IRF2: variants seen among roughly 807,000 people sequenced by gnomAD.
The protein encoded by IRF2 is interferon regulatory factor 2.
In IRF2, 15 loss-of-function variants were observed where a neutral mutation model predicts 40.6. That is an observed-to-expected ratio of 0.37 (90% CI 0.25 to 0.57). The LOEUF (loss-of-function observed/expected upper bound fraction) is 0.57, where lower values mean the gene tolerates loss of function less well. Among genes scored for constraint, IRF2 ranks in the 20% least tolerant of loss-of-function variants. The pLI is 0.77. For synonymous variants in IRF2, 151 were observed against 165.5 expected (o/e 0.91, Z 0.67); for missense variants, 317 against 455.7 (o/e 0.70, Z 2.77).
intron 1 of IRF2, among the ~76,000 whole-genome samples, chr4:184,444,319 T>C (rs890196): frequency 0.063 from 9,658 of 152,168 alleles, 1,044 homozygotes; most frequent in African/African-American, 0.22. Flanking sequence ...TCCACAACTG[T>C]AGAAGCCATT....
Position 184,388,738 on chromosome 4 carries a change from C to T in IRF2, c.*20G>A, listed in dbSNP as rs2149889185. ...AACAAAGCCAAGAAGCCCCAACAAC[C>T]ACCGCGGAGAGTCAGAGGCTTAACA... On this transcript the variant is annotated 3_prime_UTR_variant, in exon 9 of 9. Transcript: ENST00000393593. This position sits in a 1 kb window ranked among gnomAD's most constrained non-coding sequence, Gnocchi z 4.6. 6.3e-7 allele frequency: 1 copy of T among 1,579,516 alleles called. No homozygotes were observed. The highest frequency in any genetic ancestry group is 8.5e-7 in the Non-Finnish European group (1 of 1,170,648).
chr4:184,408,887 G>A lies in IRF2; in HGVS notation c.412-612C>T, dbSNP rs990447247. ...CCCACACCATGGGCTTTACATAAAT[G>A]CCCTTCAGGTGGCTGAATATCTCAT... On this transcript the variant is annotated intron_variant, in intron 5 of 8. Transcript: ENST00000393593. This position sits in a 1 kb window ranked among gnomAD's most constrained non-coding sequence, Gnocchi z 4.9. Among the ~76,000 whole-genome samples, 5 of 152,210 alleles carry A rather than the reference G, an allele frequency of 3.3e-5. No homozygotes were observed. The highest frequency in any genetic ancestry group is 1.2e-4 in the African/African-American group (5 of 41,444).
intron 7 of IRF2, among the ~76,000 whole-genome samples, chr4:184,393,685 G>A (rs550381190): frequency 7.2e-5 from 11 of 152,334 alleles, no homozygotes; most frequent in South Asian, 6.2e-4. Flanking sequence ...GTTAAAGAGC[G>A]TCGTGTCTAG....
intron 7 of IRF2, among the ~76,000 whole-genome samples, chr4:184,395,752 C>T (rs1736432098): frequency 1.3e-5 from 2 of 152,370 alleles, no homozygotes; most frequent in South Asian, 4.1e-4. Context: ...ACGGAAAGAA[C>T]CAAAGGCCAG....
chr4:184,393,027 C>A (rs1736314555), intron 7 of IRF2, among the ~76,000 whole-genome samples: 1 of 152,136 alleles, frequency 6.6e-6, no homozygotes, highest in South Asian at 2.1e-4. Context: ...CACGCAGAAA[C>A]ACATGAAAAC....
chr4:184,439,654 T>A (rs1738225747), intron 1 of IRF2, among the ~76,000 whole-genome samples: 1 of 152,212 alleles, frequency 6.6e-6, no homozygotes, highest in South Asian at 2.1e-4. Flanking sequence ...TCATCCAGAT[T>A]ACAGTTTTAC....
chr4:184,415,407 G>C (rs754097496), intron 5 of IRF2, among the ~76,000 whole-genome samples: 1 of 152,152 alleles, frequency 6.6e-6, no homozygotes, highest in Non-Finnish European at 1.5e-5. Flanking sequence ...GCCCACCCAG[G>C]ACCGTGCCTT....
chr4:184,452,986 G>C (rs1738782732), intron 1 of IRF2, among the ~76,000 whole-genome samples: 1 of 151,878 alleles, frequency 6.6e-6, no homozygotes, highest in Non-Finnish European at 1.5e-5. Context: ...GTCACTTCTA[G>C]GAATGCTTCC....
chr4:184,467,515 T>C (rs1719650531), intron 1 of IRF2, among the ~76,000 whole-genome samples: 1 of 152,236 alleles, frequency 6.6e-6, no homozygotes, highest in Non-Finnish European at 1.5e-5. Flanking sequence ...GACAAAAGAA[T>C]TCTTTCAAAA....
At chr4:184,461,355 T>G (rs182054299) in intron 1 of IRF2, among the ~76,000 whole-genome samples, 1 of 152,340 alleles carries the variant, frequency 6.6e-6, no homozygotes, top group East Asian at 1.9e-4. Context: ...TCTGTCACAT[T>G]AGCACTGCGG....
chr4:184,461,691 C>G (rs796428311), intron 1 of IRF2, among the ~76,000 whole-genome samples: 1 of 147,950 alleles, frequency 6.8e-6, no homozygotes, highest in South Asian at 2.2e-4. Flanking sequence ...CCCGCCCCCC[C>G]ACCGCCCCCC....
chr4:184,402,117 C>A (rs1166103343), intron 6 of IRF2, among the ~76,000 whole-genome samples: 1 of 152,176 alleles, frequency 6.6e-6, no homozygotes, highest in Non-Finnish European at 1.5e-5. Flanking sequence ...GTAAGAAGTT[C>A]ATATACATGG....
At chr4:184,397,720 T>C (rs1349487370) in intron 7 of IRF2, among the ~76,000 whole-genome samples, 1 of 152,196 alleles carries the variant, frequency 6.6e-6, no homozygotes, top group Non-Finnish European at 1.5e-5. Context: ...CCTGAACTAT[T>C]TGCTAGAGCT....
At chr4:184,433,871 C>T (rs1215121852) in intron 1 of IRF2, among the ~76,000 whole-genome samples, 3 of 152,154 alleles carry the variant, frequency 2.0e-5, no homozygotes, top group Non-Finnish European at 4.4e-5. Flanking sequence ...CACGACTAGC[C>T]GAGGGTGAGC....
intron 1 of IRF2, among the ~76,000 whole-genome samples, chr4:184,432,928 A>G (rs1737940768): frequency 6.6e-6 from 1 of 152,158 alleles, no homozygotes; most frequent in Admixed American, 6.5e-5. Context: ...GATGGAATAC[A>G]TTTCTGTTGT....
chr4:184,469,272 C>A (rs1739435814), intron 1 of IRF2, among the ~76,000 whole-genome samples: 1 of 152,144 alleles, frequency 6.6e-6, no homozygotes, highest in African/African-American at 2.4e-5. Flanking sequence ...TCCAACACAC[C>A]ACGGGTCTCT....
At chr4:184,455,301 C>CTT (rs1238177005) in intron 1 of IRF2, among the ~76,000 whole-genome samples, 686 of 31,902 alleles carry the variant, frequency 0.022, 12 homozygotes, top group Non-Finnish European at 0.028. Context: ...CCTTCTTCTT[C>CTT]TTTTTTTTTT....
At chr4:184,395,776 G>C (rs1274096306) in intron 7 of IRF2, among the ~76,000 whole-genome samples, 8 of 152,232 alleles carry the variant, frequency 5.3e-5, no homozygotes, top group African/African-American at 1.9e-4. Flanking sequence ...GAAAAGCCAG[G>C]CTCCAGCAAA....
chr4:184,474,100 C>T lies in IRF2; in HGVS notation c.-7+279G>A, dbSNP rs1739636325. The stretch of plus-strand genomic sequence containing the variant: ...CACCAACCTCCTCCTCCTCCTCCCT[C>T]TCTACCTCCTCCTCCTCCTCCTCCT... On this transcript the variant is annotated intron_variant, in intron 1 of 8. Coordinates refer to ENST00000393593, the MANE Select transcript of IRF2 (RefSeq NM_002199.4). This position sits in a 1 kb window ranked among gnomAD's most constrained non-coding sequence, Gnocchi z 5.6. The T allele has an allele frequency of 1.3e-5, 2 of 154,120 alleles. No individual in the cohort carries two copies. The highest frequency in any genetic ancestry group is 2.9e-5 in the Non-Finnish European group (2 of 69,496). The allele number at this position is 154,120 out of a possible 1,614,324, so 9.5% of individuals were successfully genotyped here.
Sources: gnomAD v4.1 joint callset for allele counts (sites outside exome capture counted in the v4.1 genomes callset) on GRCh38, gnomAD v4.1.1 for gene constraint, Gnocchi (gnomAD v3.1) non-coding constraint, MANE v1.5 for transcripts, NCBI Gene and HGNC (gene_info 2026-07-23, HGNC 2026-07-21) for gene names.